The following THSD7A variants were observed in gnomAD, a reference collection of about 807,000 sequenced individuals.
The protein encoded by THSD7A is thrombospondin type 1 domain containing 7A.
In THSD7A, 96 loss-of-function variants were observed where a neutral mutation model predicts 231.3. That is an observed-to-expected ratio of 0.41 (90% CI 0.35 to 0.49). The LOEUF is 0.49. Ranked by LOEUF, THSD7A falls within the 20% of genes least tolerant of loss-of-function variation. The pLI, the probability that THSD7A is intolerant of heterozygous loss-of-function variation, is 0.05. For synonymous variants in THSD7A, 940 were observed against 743.3 expected, an observed-to-expected ratio of 1.26 and a Z score of -4.30; for missense variants, 2,290 against 2,070.2, an observed-to-expected ratio of 1.11 and a Z score of -2.06.
At chr7:11,778,297 T>TA (rs869176125) in intron 1 of THSD7A, among the ~76,000 whole-genome samples, 4 of 118,822 alleles carry the variant, frequency 3.4e-5, no homozygotes, top group South Asian at 5.5e-4. Context: ...AAAAAAATGA[T>TA]AAAAAACTTC....
chr7:11,590,189 T>G lies in THSD7A; in HGVS notation c.1453+271A>C, dbSNP rs1780096928. ...CGTCTAGTTTTTACATTATTCCTGC[T>G]AAACTTTGATGAAGAGGTTGAGTCA... is the stretch of plus-strand genomic sequence containing the variant. On this transcript the variant is annotated intron_variant, in intron 4 of 27. Transcript: ENST00000423059. The surrounding 1 kb of genome is among the most constrained non-coding windows in gnomAD (Gnocchi z 4.4). Among the ~76,000 whole-genome samples, 1 of 152,232 alleles carries G rather than the reference T, an allele frequency of 6.6e-6. No individual in the cohort carries two copies. Among genetic ancestry groups the G allele is most frequent in the African/African-American group, 2.4e-5 (1 of 41,462 alleles).
At chr7:11,760,695 C>T (rs1016499400) in intron 1 of THSD7A, among the ~76,000 whole-genome samples, 1 of 151,956 alleles carries the variant, frequency 6.6e-6, no homozygotes, top group Non-Finnish European at 1.5e-5. Context: ...TCATGTTGTA[C>T]CAGAGGCTTT....
intron 1 of THSD7A, among the ~76,000 whole-genome samples, chr7:11,803,468 T>C (rs1025480703): frequency 9.9e-5 from 15 of 152,030 alleles, no homozygotes; most frequent in African/African-American, 2.9e-4. Flanking sequence ...CCACAATTAG[T>C]AGAAGGAGAG....
chr7:11,696,935 T>A (rs541104773), intron 1 of THSD7A, among the ~76,000 whole-genome samples: 50 of 151,452 alleles, frequency 3.3e-4, no homozygotes, highest in Non-Finnish European at 5.5e-4. Context: ...ACTATTATAG[T>A]TTCAATTAGA....
At chr7:11,737,427 G>T (rs2128159571) in intron 1 of THSD7A, among the ~76,000 whole-genome samples, 1 of 152,154 alleles carries the variant, frequency 6.6e-6, no homozygotes, top group East Asian at 2.0e-4. Context: ...TAAGGAAGAA[G>T]ACAGAGGACT....
chr7:11,681,024 A>T (rs1783847521), intron 1 of THSD7A, among the ~76,000 whole-genome samples: 1 of 152,168 alleles, frequency 6.6e-6, no homozygotes, highest in Non-Finnish European at 1.5e-5. Context: ...TGCAGCCATA[A>T]AAAAGAATGA....
intron 1 of THSD7A, among the ~76,000 whole-genome samples, chr7:11,798,209 A>C (rs958261941): frequency 2.6e-5 from 4 of 152,060 alleles, no homozygotes; most frequent in African/African-American, 9.7e-5. Flanking sequence ...AACTTTTGAT[A>C]GAAATAAATA....
chr7:11,558,570 C>A lies in THSD7A; in HGVS notation c.1454-15453G>T, dbSNP rs188691240. On this transcript the variant is annotated intron_variant, in intron 4 of 27. Transcript: ENST00000423059. ...TTTAATTATTAGGGGCAAAGGAAAC[C>A]ATTTTCAGACAGAAAATGAAAGTAT... is the stretch of plus-strand genomic sequence containing the variant. 3.3e-5 allele frequency among the ~76,000 whole-genome samples: 5 copies of A among 152,030 alleles called. No homozygotes were observed. In the East Asian group the frequency reaches 5.8e-4, roughly 18 times the overall value.
At chr7:11,569,063 C>T (rs983709136) in intron 4 of THSD7A, among the ~76,000 whole-genome samples, 3 of 150,338 alleles carry the variant, frequency 2.0e-5, no homozygotes, top group African/African-American at 7.3e-5. Flanking sequence ...AGAACTTAAA[C>T]ATAAGACCTG....
intron 8 of THSD7A, among the ~76,000 whole-genome samples, chr7:11,473,689 G>A (rs1158110880): frequency 4.6e-5 from 7 of 151,808 alleles, no homozygotes; most frequent in African/African-American, 9.7e-5. Context: ...ATAATATGTC[G>A]ACTCTCTGGT....
In THSD7A at chr7:11,573,286, A is replaced by T. The variant is rs970125294; in HGVS notation, c.1453+17174T>A. Among the ~76,000 whole-genome samples the T allele has an allele frequency of 3.9e-5, 6 of 152,334 alleles. 2 individuals carry two copies. Among genetic ancestry groups the T allele is most frequent in the Admixed American group, 6.5e-5 (1 of 15,304 alleles). The stretch of plus-strand genomic sequence containing the variant: ...CATGTATTCAGCCAAACTCTGGCCA[A>T]GGATTCATGGTGTATCCACACTGAG... On this transcript the variant is annotated intron_variant, in intron 4 of 27. Transcript: ENST00000423059.
intron 4 of THSD7A, among the ~76,000 whole-genome samples, chr7:11,584,326 A>T (rs553758504): frequency 5.7e-4 from 87 of 152,254 alleles, no homozygotes; most frequent in African/African-American, 2.0e-3. Context: ...AATTATACAA[A>T]TATATTAGTA....
chr7:11,631,972 G>C (rs567035969), intron 2 of THSD7A, among the ~76,000 whole-genome samples: 1 of 152,106 alleles, frequency 6.6e-6, no homozygotes, highest in Non-Finnish European at 1.5e-5. Context: ...TTTGCCCTTG[G>C]CTGGGATCTG....
chr7:11,750,070 G>C (rs925605278), intron 1 of THSD7A, among the ~76,000 whole-genome samples: 2 of 150,600 alleles, frequency 1.3e-5, no homozygotes, highest in African/African-American at 4.9e-5. Context: ...ATAACTGCAG[G>C]GTGGAATCCC....
In THSD7A at chr7:11,391,169, T is replaced by TTAAG. The variant is rs1431334578; in HGVS notation, c.4412-8557_4412-8554dup. On this transcript the variant is annotated intron_variant, in intron 23 of 27. Transcript: ENST00000423059. ...CTTCAGAGCCATCAGGCAGGGATGT[T>TTAAG]TAAGTCTGCCTAAGCTGCACTCACA... is the stretch of plus-strand genomic sequence containing the variant. 7.9e-5 allele frequency among the ~76,000 whole-genome samples: 12 copies of TTAAG among 152,306 alleles called. No individual in the cohort carries two copies. The South Asian group carries it at 2.5e-3, about 32-fold the overall frequency.
intron 6 of THSD7A, among the ~76,000 whole-genome samples, chr7:11,510,868 T>A (rs572121385): frequency 1.4e-4 from 22 of 152,202 alleles, no homozygotes; most frequent in African/African-American, 5.3e-4. Flanking sequence ...CTTTGAAAAC[T>A]GGCACAAGAC....
chr7:11,466,134 T>G (rs946775131), intron 9 of THSD7A, among the ~76,000 whole-genome samples: 1 of 152,180 alleles, frequency 6.6e-6, no homozygotes, highest in Non-Finnish European at 1.5e-5. Flanking sequence ...AAAGTGATTT[T>G]AAAAAGAAGG....
intron 1 of THSD7A, among the ~76,000 whole-genome samples, chr7:11,686,061 T>C (rs1425725573): frequency 6.6e-6 from 1 of 151,710 alleles, no homozygotes; most frequent in African/African-American, 2.4e-5. Context: ...TCCTTTTCAG[T>C]GTTAGCAAAC....
intron 6 of THSD7A, among the ~76,000 whole-genome samples, chr7:11,526,175 T>A (rs774356221): frequency 6.6e-6 from 1 of 152,196 alleles, no homozygotes; most frequent in African/African-American, 2.4e-5. Flanking sequence ...TCTGGTTTTA[T>A]CCACAAAGAT....
Sources: allele counts gnomAD v4.1 joint callset (sites outside exome capture counted in the v4.1 genomes callset), GRCh38; gene constraint gnomAD v4.1.1; non-coding constraint Gnocchi (gnomAD v3.1); transcripts MANE v1.5; gene names NCBI Gene and HGNC (gene_info 2026-07-23, HGNC 2026-07-21).